Variants in CNKSR3 observed in about 807,000 individuals in gnomAD.
The protein encoded by CNKSR3 is connector enhancer of kinase suppressor of ras 3.
In CNKSR3, 36 loss-of-function variants were observed where a neutral mutation model predicts 67.7. The ratio of observed to expected loss-of-function variants is 0.53; its 90% CI spans 0.41 to 0.70. CNKSR3 has a LOEUF of 0.70. Ranked by LOEUF, CNKSR3 falls within the 30% of genes least tolerant of loss-of-function variation. CNKSR3 has a pLI of 0.00. For missense variants in CNKSR3, 630 were observed against 695.2 expected, an observed-to-expected ratio of 0.91 and a Z score of 1.05; for synonymous variants, 281 against 271.4, an observed-to-expected ratio of 1.04 and a Z score of -0.35.
chr6:154,419,126 C>T (rs891191856), intron 9 of CNKSR3, among the ~76,000 whole-genome samples: 3 of 151,416 alleles, frequency 2.0e-5, no homozygotes, highest in Admixed American at 6.6e-5. Flanking sequence ...AGCAGCCTCC[C>T]AGTCTCAAGC....
intron 1 of CNKSR3, among the ~76,000 whole-genome samples, chr6:154,464,734 G>GAAAAAAGA (rs919445481): frequency 6.7e-6 from 1 of 150,156 alleles, no homozygotes; most frequent in Non-Finnish European, 1.5e-5. Context: ...AAAGGAAAAA[G>GAAAAAAGA]AAAAAAGAAA....
chr6:154,485,221 G>A (rs1786644223), intron 1 of CNKSR3, among the ~76,000 whole-genome samples: 1 of 152,084 alleles, frequency 6.6e-6, no homozygotes, highest in Admixed American at 6.5e-5. Context: ...GGAGAGGATT[G>A]GTCTAGGTAT....
chr6:154,433,349 A>T, intron 5 of CNKSR3, 117 bp downstream of exon 5: 1 of 738,990 alleles, frequency 1.4e-6, no homozygotes, highest in Non-Finnish European at 2.3e-6. Context: ...CTCATGTCCC[A>T]AAAGCCAATA....
At chr6:154,467,421 A>T (rs1393977435) in intron 1 of CNKSR3, among the ~76,000 whole-genome samples, 1 of 152,200 alleles carries the variant, frequency 6.6e-6, no homozygotes, top group East Asian at 1.9e-4. Context: ...TGGAGGGCTT[A>T]CAGATGCCTT....
At chr6:154,435,481 C>T (rs964721441) in intron 4 of CNKSR3, among the ~76,000 whole-genome samples, 15 of 152,186 alleles carry the variant, frequency 9.9e-5, no homozygotes, top group African/African-American at 2.9e-4. Context: ...GTGGTGACTG[C>T]GGTGGTGATG....
chr6:154,437,271 C>T (rs565486853), intron 4 of CNKSR3, among the ~76,000 whole-genome samples: 4 of 152,282 alleles, frequency 2.6e-5, no homozygotes, highest in South Asian at 4.2e-4. Flanking sequence ...TCCCCTGGCA[C>T]GTTCAATCTC....
intron 1 of CNKSR3, among the ~76,000 whole-genome samples, chr6:154,451,619 C>G (rs1468084883): frequency 6.6e-6 from 1 of 152,178 alleles, no homozygotes; most frequent in Non-Finnish European, 1.5e-5. Flanking sequence ...CTAGAAAAGG[C>G]CCAGCACTTA....
intron 1 of CNKSR3, among the ~76,000 whole-genome samples, chr6:154,495,566 GCT>G (rs1486351567): frequency 1.3e-5 from 2 of 149,078 alleles, no homozygotes; most frequent in Non-Finnish European, 2.9e-5. Flanking sequence ...GTAGAGACAG[GCT>G]CTCACTATGT....
chr6:154,407,715 G>A (rs1195432414), intron 12 of CNKSR3, among the ~76,000 whole-genome samples: 2 of 151,894 alleles, frequency 1.3e-5, no homozygotes, highest in Non-Finnish European at 2.9e-5. Flanking sequence ...GCATCCCAAA[G>A]TGTTGGGATT....
chr6:154,463,970 A>G (rs1386674557), intron 1 of CNKSR3, among the ~76,000 whole-genome samples: 3 of 152,206 alleles, frequency 2.0e-5, no homozygotes, highest in African/African-American at 7.2e-5. Flanking sequence ...AAAGTCCTCT[A>G]ATAGCAAAGC....
At chr6:154,421,916 A>ATATGTGAAT (rs1189446522) in intron 9 of CNKSR3, among the ~76,000 whole-genome samples, 1 of 152,234 alleles carries the variant, frequency 6.6e-6, no homozygotes, top group East Asian at 1.9e-4. Context: ...GTCACCAGCC[A>ATATGTGAAT]TATGTGAATA....
In CNKSR3 at chr6:154,403,612, T is replaced by A. The variant is rs1329913461; in HGVS notation, c.*2742A>T. ...GTAGAGGTTTACAAAGGTTTTTTTT[T>A]TTTAGCAGCAATATATTTTTCAAAC... On this transcript the variant is annotated 3_prime_UTR_variant, in exon 13 of 13. Transcript: ENST00000607772. 1 of 151,986 alleles carries A rather than the reference T, an allele frequency of 6.6e-6. No individual in the cohort carries two copies. Among genetic ancestry groups the A allele is most frequent in the African/African-American group, 2.4e-5 (1 of 41,364 alleles). 9.4% of individuals were successfully genotyped at this position (151,986 alleles called of 1,614,324 possible). A position where few individuals can be genotyped will look rare whatever the true frequency, so the allele number is the denominator to read the frequency against.
intron 12 of CNKSR3, 86 bp downstream of exon 12, chr6:154,410,257 A>C: frequency 4.5e-6 from 4 of 890,244 alleles, no homozygotes; most frequent in Non-Finnish European, 1.8e-6. Context: ...ACTTATTATA[A>C]CACATTTAGA....
At chr6:154,488,501 A>C (rs555125633) in intron 1 of CNKSR3, among the ~76,000 whole-genome samples, 1 of 152,362 alleles carries the variant, frequency 6.6e-6, no homozygotes, top group African/African-American at 2.4e-5. Flanking sequence ...TATCAAGTTA[A>C]AGTTCATCTT....
At chr6:154,479,984 G>T (rs1419591068) in intron 1 of CNKSR3, among the ~76,000 whole-genome samples, 1 of 152,180 alleles carries the variant, frequency 6.6e-6, no homozygotes, top group African/African-American at 2.4e-5. Context: ...CCCTTGTGGG[G>T]CAGGAACAGA....
At chr6:154,430,415 T>G in intron 6 of CNKSR3, 57 bp downstream of exon 6, 1 of 1,508,470 alleles carries the variant, frequency 6.6e-7, no homozygotes. Flanking sequence ...TTTTTAAAAA[T>G]TTAGTAAATG....
At chr6:154,491,244 G>C (rs1456679462) in intron 1 of CNKSR3, among the ~76,000 whole-genome samples, 2 of 152,134 alleles carry the variant, frequency 1.3e-5, no homozygotes, top group African/African-American at 4.8e-5. Flanking sequence ...CTTCTATGAT[G>C]CCCTGTAGTC....
rs1395383519 is a variant in CNKSR3 at position 154,397,233 on chromosome 6, G to C, written c.*9121C>G. ...AGGCACCATTAAAGGTGCTTCAGTG[G>C]CATTCTTTCATTGAGGAGAAATCTG... On this transcript the variant is annotated 3_prime_UTR_variant, in exon 13 of 13. Transcript: ENST00000607772. The C allele has an allele frequency of 6.6e-6, 1 of 152,186 alleles. No individual in the cohort carries two copies. Among genetic ancestry groups the C allele is most frequent in the Non-Finnish European group, 1.5e-5 (1 of 68,044 alleles). 9.4% of individuals were successfully genotyped at this position (152,186 alleles called of 1,614,324 possible). A position where few individuals can be genotyped will look rare whatever the true frequency, so the allele number is the denominator to read the frequency against.
intron 11 of CNKSR3, 131 bp from the exon 12 acceptor site, chr6:154,410,563 A>ATAAAAGTATTT (rs2128711105): frequency 3.1e-6 from 2 of 635,146 alleles, no homozygotes; most frequent in Non-Finnish European, 5.6e-6. Context: ...AAATTTTAAA[A>ATAAAAGTATTT]TAAAAGTATT....
Sources: gnomAD v4.1 joint callset for allele counts (sites outside exome capture counted in the v4.1 genomes callset) on GRCh38, gnomAD v4.1.1 for gene constraint, MANE v1.5 for transcripts, NCBI Gene and HGNC (gene_info 2026-07-23, HGNC 2026-07-21) for gene names.